The following MARCHF5 variants were observed in gnomAD, a reference collection of about 807,000 sequenced individuals.
MARCHF5 encodes the protein E3 ubiquitin-protein ligase MARCHF5.
In MARCHF5, 5 loss-of-function variants were observed where a neutral mutation model predicts 36.5. The ratio of observed to expected loss-of-function variants is 0.14; its 90% CI spans 0.07 to 0.29. The LOEUF (loss-of-function observed/expected upper bound fraction) is 0.29, where lower values mean the gene tolerates loss of function less well. Among genes scored for constraint, MARCHF5 ranks in the 10% least tolerant of loss-of-function variants. MARCHF5 has a pLI of 1.00. For missense variants in MARCHF5, 179 were observed against 336.3 expected, an observed-to-expected ratio of 0.53 and a Z score of 3.66; for synonymous variants, 103 against 109.9, an observed-to-expected ratio of 0.94 and a Z score of 0.39.
rs370192655 is a variant in MARCHF5 at position 92,305,632 on chromosome 10, A to T, written c.36-5503A>T. Among the ~76,000 whole-genome samples, 2 of 152,236 alleles carry T rather than the reference A, an allele frequency of 1.3e-5. 1 individual carries two copies. Among genetic ancestry groups the T allele is most frequent in the East Asian group, 3.8e-4 (2 of 5,200 alleles). ...TGCTTATGCATCACACTGAGGACTG[A>T]GTTCTGAGAGAGTCAGAGGATTGGA... On this transcript the variant is annotated intron_variant, in intron 1 of 5. Transcript: ENST00000358935.
At chr10:92,339,004 C>G (rs1038422842) in intron 2 of MARCHF5, among the ~76,000 whole-genome samples, 1 of 149,812 alleles carries the variant, frequency 6.7e-6, no homozygotes, top group Non-Finnish European at 1.5e-5. Flanking sequence ...GAGATTGTGC[C>G]ACTGCACTCC....
chr10:92,303,133 A>G (rs1010917453), intron 1 of MARCHF5, among the ~76,000 whole-genome samples: 1 of 152,208 alleles, frequency 6.6e-6, no homozygotes, highest in East Asian at 1.9e-4. Flanking sequence ...TCTTTTTGAT[A>G]AATAAAGCCC....
Position 92,291,244 on chromosome 10 carries a change from G to T in MARCHF5, c.-251G>T, listed in dbSNP as rs1198493963. 1.3e-5 allele frequency: 7 copies of T among 538,304 alleles called. No homozygotes were observed. Among genetic ancestry groups the T allele is most frequent in the Middle Eastern group, 4.8e-4 (1 of 2,074 alleles). The allele number at this position is 538,304 out of a possible 1,614,324, so 33.3% of individuals were successfully genotyped here. On this transcript the variant is annotated 5_prime_UTR_variant, in exon 1 of 6. Coordinates refer to ENST00000358935, the MANE Select transcript of MARCHF5 (RefSeq NM_017824.5). ...GGACCGGAACCTCGGGCCGACGGACGGGAACCCGGGCCGCGATCGCCGCCT... is the reference window on the plus strand; with the variant it reads ...GGACCGGAACCTCGGGCCGACGGACTGGAACCCGGGCCGCGATCGCCGCCT...
Position 92,349,686 on chromosome 10 carries a change from T to C in MARCHF5, c.569T>C (p.Val190Ala). Reference sequence around the variant, plus strand: ...TTTCCTCTAGGGATAGGTTGTCCTGTTCCTCGAATTCCAGCTGAGGCCAAT... The same window carrying C: ...TTTCCTCTAGGGATAGGTTGTCCTGCTCCTCGAATTCCAGCTGAGGCCAAT... ...NSIFPGIGCP[V>A]PRIPAEANPL... The change falls in exon 5 of 6, where the codon GTT becomes GCT. Residue 190 changes from valine to alanine, a missense_variant. Transcript: ENST00000358935. 1 of 1,613,992 alleles carries C rather than the reference T, an allele frequency of 6.2e-7. No individual in the cohort carries two copies. Among genetic ancestry groups the C allele is most frequent in the Non-Finnish European group, 8.5e-7 (1 of 1,179,952 alleles).
intron 3 of MARCHF5, among the ~76,000 whole-genome samples, chr10:92,347,710 G>A (rs1420007565): frequency 6.6e-6 from 1 of 152,170 alleles, no homozygotes; most frequent in African/African-American, 2.4e-5. Flanking sequence ...TGCAAGATAG[G>A]AAGTTGTTAA....
chr10:92,311,390 C>T (rs1443896880), intron 2 of MARCHF5, 53 bp downstream of exon 2: 43 of 1,231,224 alleles, frequency 3.5e-5, no homozygotes, highest in Middle Eastern at 2.7e-4. Flanking sequence ...TTATATATAA[C>T]TTTATAAGTT....
intron 1 of MARCHF5, among the ~76,000 whole-genome samples, chr10:92,309,786 T>G (rs1018573333): frequency 4.6e-5 from 7 of 152,068 alleles, no homozygotes; most frequent in African/African-American, 1.7e-4. Flanking sequence ...ACCTAAAAAA[T>G]GGCTAAAATG....
At chr10:92,323,603 C>G (rs1158884540) in intron 2 of MARCHF5, among the ~76,000 whole-genome samples, 3 of 151,678 alleles carry the variant, frequency 2.0e-5, no homozygotes, top group African/African-American at 7.3e-5. Flanking sequence ...CACCATACAT[C>G]TTTTTTTTTC....
chr10:92,314,382 G>A (rs1050812572), intron 2 of MARCHF5, among the ~76,000 whole-genome samples: 1 of 152,204 alleles, frequency 6.6e-6, no homozygotes, highest in African/African-American at 2.4e-5. Context: ...GGTGGCTCAC[G>A]CCTGTAATCC....
chr10:92,298,762 C>T (rs561402345), intron 1 of MARCHF5, among the ~76,000 whole-genome samples: 4 of 152,138 alleles, frequency 2.6e-5, no homozygotes, highest in African/African-American at 7.2e-5. Context: ...GGGCTTTCGC[C>T]GTGTTGCCCA....
intron 1 of MARCHF5, among the ~76,000 whole-genome samples, chr10:92,296,642 G>C (rs765287040): frequency 1.3e-4 from 20 of 152,094 alleles, no homozygotes; most frequent in Non-Finnish European, 2.1e-4. Context: ...AAATAAACAC[G>C]CATTAATTTG....
At chr10:92,324,536 G>A (rs887273346) in intron 2 of MARCHF5, among the ~76,000 whole-genome samples, 3 of 151,998 alleles carry the variant, frequency 2.0e-5, no homozygotes, top group East Asian at 3.9e-4. Flanking sequence ...TAATTTTTTT[G>A]TATTTTTAGT....
intron 1 of MARCHF5, among the ~76,000 whole-genome samples, chr10:92,292,164 G>A (rs1217287064): frequency 6.6e-6 from 1 of 152,066 alleles, no homozygotes; most frequent in African/African-American, 2.4e-5. Flanking sequence ...CTTGACGATC[G>A]TTGAGTTCAT....
intron 3 of MARCHF5, among the ~76,000 whole-genome samples, chr10:92,341,110 C>A (rs1186122026): frequency 1.3e-5 from 2 of 152,100 alleles, no homozygotes; most frequent in African/African-American, 4.8e-5. Flanking sequence ...TTAGTTAGTC[C>A]AATGTTTTGC....
At chr10:92,300,363 C>T (rs973101285) in intron 1 of MARCHF5, among the ~76,000 whole-genome samples, 2 of 151,334 alleles carry the variant, frequency 1.3e-5, no homozygotes, top group Non-Finnish European at 2.9e-5. Context: ...TGTGGTGGCC[C>T]ACACCTGTAA....
chr10:92,346,492 C>CTTTTTTTTTTTTTTTTTTTTT (rs763991703), intron 3 of MARCHF5, among the ~76,000 whole-genome samples: 1 of 88,300 alleles, frequency 1.1e-5, no homozygotes, highest in Non-Finnish European at 2.2e-5. Flanking sequence ...CTATTTCCTT[C>CTTTTTTTTTTTTTTTTTTTTT]TTTTTTTTTT....
intron 2 of MARCHF5, among the ~76,000 whole-genome samples, chr10:92,318,587 G>C (rs1416071662): frequency 6.6e-6 from 1 of 151,794 alleles, no homozygotes; most frequent in Non-Finnish European, 1.5e-5. Context: ...GCCAGGTATG[G>C]TGGTGTGCAC....
chr10:92,322,629 T>A (rs965470100), intron 2 of MARCHF5, among the ~76,000 whole-genome samples: 8 of 150,546 alleles, frequency 5.3e-5, no homozygotes, highest in African/African-American at 1.5e-4. Context: ...TTTTTTTTTT[T>A]ATAGTGACAG....
chr10:92,321,303 T>G (rs993261403), intron 2 of MARCHF5, among the ~76,000 whole-genome samples: 7 of 152,102 alleles, frequency 4.6e-5, no homozygotes, highest in Non-Finnish European at 1.0e-4. Context: ...TGTAGTTTGT[T>G]GAGGGCTTTT....
Sources: allele counts gnomAD v4.1 joint callset (sites outside exome capture counted in the v4.1 genomes callset), GRCh38; gene constraint gnomAD v4.1.1; transcripts MANE v1.5; gene names NCBI Gene and HGNC (gene_info 2026-07-23, HGNC 2026-07-21).